The following REV1 variants were observed in gnomAD, a reference collection of about 807,000 sequenced individuals.
The protein encoded by REV1 is REV1 DNA directed polymerase, also known as translesion synthesis protein REV1.
In REV1, 42 loss-of-function variants were observed where a neutral mutation model predicts 137.4. The ratio of observed to expected loss-of-function variants is 0.31; its 90% CI spans 0.24 to 0.40. The LOEUF (loss-of-function observed/expected upper bound fraction) is 0.40, where lower values mean the gene tolerates loss of function less well. Among genes scored for constraint, REV1 ranks in the 10% least tolerant of loss-of-function variants. REV1 has a pLI of 1.00. For missense variants in REV1, 1,282 were observed against 1,490.1 expected, an observed-to-expected ratio of 0.86 and a Z score of 2.30; for synonymous variants, 524 against 519.2, an observed-to-expected ratio of 1.01 and a Z score of -0.12.
At chr2:99,467,437 TCAAA>T (rs1308873538) in intron 1 of REV1, among the ~76,000 whole-genome samples, 5 of 152,082 alleles carry the variant, frequency 3.3e-5, no homozygotes, top group Admixed American at 6.5e-5. Flanking sequence ...GATCCAGAAA[TCAAA>T]CAATCAAAAA....
chr2:99,479,171 TA>T (rs1199386393), intron 1 of REV1, among the ~76,000 whole-genome samples: 1 of 151,480 alleles, frequency 6.6e-6, no homozygotes, highest in East Asian at 1.9e-4. Context: ...CTACTAAAAA[TA>T]AAAAAATTAG....
At chr2:99,484,578 AT>A in intron 1 of REV1, among the ~76,000 whole-genome samples, 1 of 113,264 alleles carries the variant, frequency 8.8e-6, no homozygotes, top group East Asian at 2.5e-4. Context: ...TCTTTGACTT[AT>A]TTTTAATGAC....
In REV1 at chr2:99,453,850, G is replaced by A. The variant is rs189948910; in HGVS notation, c.182-4346C>T. ...GGAGGTTACAGTGAGCCAAGATCAC[G>A]CCACTGCACTCCAGCCTGGGTGACA... On this transcript the variant is annotated intron_variant, in intron 3 of 22. Coordinates refer to ENST00000258428, the MANE Select transcript of REV1 (RefSeq NM_016316.4). Among the ~76,000 whole-genome samples the A allele has an allele frequency of 5.5e-3, 703 of 126,784 alleles. 11 individuals carry two copies. Among genetic ancestry groups the A allele is most frequent in the African/African-American group, 0.021 (661 of 31,898 alleles). 83.2% of individuals were successfully genotyped at this position (126,784 alleles called of 152,430 possible). A position where few individuals can be genotyped will look rare whatever the true frequency, so the allele number is the denominator to read the frequency against.
Position 99,410,069 on chromosome 2 carries a change from G to C in REV1, c.2345+626C>G, listed in dbSNP as rs896556587. On this transcript the variant is annotated intron_variant, in intron 14 of 22. Coordinates refer to ENST00000258428, the MANE Select transcript of REV1 (RefSeq NM_016316.4). ...TCTGTTGCCCAGGCAGGAGTGCACTGGCGCGATCTCAGCTCACTGCAACCT... is the reference window on the plus strand; with the variant it reads ...TCTGTTGCCCAGGCAGGAGTGCACTCGCGCGATCTCAGCTCACTGCAACCT... Among the ~76,000 whole-genome samples the C allele has an allele frequency of 9.2e-5, 14 of 152,102 alleles. 1 individual carries two copies. The Middle Eastern group carries it at 0.014, about 148-fold the overall frequency.
chr2:99,437,038 G>C (rs955943729), intron 6 of REV1, among the ~76,000 whole-genome samples: 1 of 149,882 alleles, frequency 6.7e-6, no homozygotes, highest in African/African-American at 2.5e-5. Context: ...GCCCAGTCTG[G>C]AGTGCAGTGG....
Position 99,442,423 on chromosome 2 carries a change from T to C in REV1, c.397A>G (p.Thr133Ala), listed in dbSNP as rs1336370306. 1 of 1,614,084 alleles carries C rather than the reference T, an allele frequency of 6.2e-7. No homozygotes were observed. The highest frequency in any genetic ancestry group is 2.2e-5 in the East Asian group (1 of 44,880). ...LLSYIPYQLY[T>A]KQSSVQKGLS... is the part of the protein sequence containing the mutation. ...CCTTTCTGCACACTGGACTGCTTGG[T>C]GTACAGCTGATATGGAATGTAGGAG... is the stretch of plus-strand genomic sequence containing the variant. Residue 133 changes from threonine (T) to alanine (A), a missense_variant, in exon 5 of 23, where the codon ACC (threonine) becomes GCC (alanine). Around this residue, in one of 7 missense-constraint regions of REV1, gnomAD observed 107 missense variants for 164.3 expected, o/e 0.65. Coordinates refer to ENST00000258428, the MANE Select transcript of REV1 (RefSeq NM_016316.4).
rs528664310 is a variant in REV1, at chr2:99,401,443, C to CAAA, written c.3645-94_3645-92dup. 2,051 of 568,182 alleles carry CAAA rather than the reference C, an allele frequency of 3.6e-3. 2 individuals are homozygous for CAAA. Among genetic ancestry groups the CAAA allele is most frequent in the African/African-American group, 0.012 (578 of 47,956 alleles). The allele number at this position is 568,182 out of a possible 1,614,324, so 35.2% of individuals were successfully genotyped here. A position where few individuals can be genotyped will look rare whatever the true frequency, so the allele number is the denominator to read the frequency against. On this transcript the variant is annotated intron_variant, in intron 22 of 22. Coordinates refer to ENST00000258428, the MANE Select transcript of REV1 (RefSeq NM_016316.4). ...TTTTATATATAAAAATTGACTTTGG[C>CAAA]AAAAAAAAAAAAAAGTCCTGGCCAG... is the stretch of plus-strand genomic sequence containing the variant.
chr2:99,428,991 C>CAAAA (rs762850171), intron 9 of REV1, among the ~76,000 whole-genome samples: 2 of 63,826 alleles, frequency 3.1e-5, no homozygotes, highest in Non-Finnish European at 6.3e-5. Flanking sequence ...GACTCCGTCT[C>CAAAA]AAAAAAAAAA....
At chr2:99,415,793 ACCTAG>A (rs1478138353) in intron 12 of REV1, among the ~76,000 whole-genome samples, 1 of 152,246 alleles carries the variant, frequency 6.6e-6, no homozygotes, top group Non-Finnish European at 1.5e-5. Flanking sequence ...AGATGCACAA[ACCTAG>A]CAAAGGCTGA....
chr2:99,410,201 G>C (rs1233135296), intron 14 of REV1, among the ~76,000 whole-genome samples: 2 of 152,064 alleles, frequency 1.3e-5, no homozygotes, highest in Non-Finnish European at 2.9e-5. Flanking sequence ...AGTGGAAATG[G>C]AGTTTCACCA....
At position 99,412,736 on chromosome 2, in the gene REV1, T is replaced by G; in HGVS notation, c.2167A>C (p.Thr723Pro). 6.2e-7 allele frequency: 1 copy of G among 1,612,476 alleles called. No individual in the cohort carries two copies. The highest frequency in any genetic ancestry group is 8.5e-7 in the Non-Finnish European group (1 of 1,178,462). ...ATCTGTTCAATGATCAGTACCTGAGTAAACCTTATTCCATAGTTGATCTCA... is the reference window on the plus strand; with the variant it reads ...ATCTGTTCAATGATCAGTACCTGAGGAAACCTTATTCCATAGTTGATCTCA... ...SAEINYGIRF[T>P]QPKEAEAFLL... The change falls in exon 13 of 23, where the codon ACT becomes CCT. Residue 723 changes from threonine to proline, a missense_variant. Coordinates refer to ENST00000258428, the MANE Select transcript of REV1 (RefSeq NM_016316.4).
At chr2:99,439,436 A>G in intron 5 of REV1, 126 bp from the exon 6 acceptor site, 1 of 573,766 alleles carries the variant, frequency 1.7e-6, no homozygotes, top group Non-Finnish European at 3.0e-6. Context: ...GAAAATTCTT[A>G]TATTGAATAT....
At chr2:99,413,985 T>G (rs1284654858) in intron 12 of REV1, among the ~76,000 whole-genome samples, 2 of 152,016 alleles carry the variant, frequency 1.3e-5, no homozygotes, top group Non-Finnish European at 2.9e-5. Context: ...GTAGACCGTC[T>G]CTATAAAATA....
At chr2:99,421,415 TAAAAAG>T in intron 11 of REV1, 78 bp downstream of exon 11, 3 of 1,363,802 alleles carry the variant, frequency 2.2e-6, no homozygotes, top group African/African-American at 1.5e-5. Flanking sequence ...AGGAAGCTAA[TAAAAAG>T]AAAAACTCCA....
chr2:99,453,900 A>AAAAAG (rs1683217495), intron 3 of REV1, among the ~76,000 whole-genome samples: 1 of 141,828 alleles, frequency 7.1e-6, no homozygotes, highest in African/African-American at 2.5e-5. Context: ...CTCAAAAAAA[A>AAAAAG]AAAAAAAAAA....
chr2:99,465,037 T>C, intron 1 of REV1, 52 bp from the exon 2 acceptor site: 1 of 1,362,688 alleles, frequency 7.3e-7, no homozygotes, highest in African/African-American at 1.5e-5. Context: ...AATGTATTTC[T>C]AAATGATATT....
chr2:99,414,374 G>A (rs367978690), intron 12 of REV1, among the ~76,000 whole-genome samples: 26 of 152,070 alleles, frequency 1.7e-4, no homozygotes, highest in South Asian at 1.0e-3. Flanking sequence ...GGCGTTAAGC[G>A]TGCTCGTTCA....
chr2:99,419,135 T>C (rs1172071700), intron 11 of REV1, among the ~76,000 whole-genome samples, 188 bp from the exon 12 acceptor site: 1 of 151,916 alleles, frequency 6.6e-6, no homozygotes, highest in East Asian at 1.9e-4. Context: ...TGGACAGAGG[T>C]TTCTCTTTGC....
chr2:99,471,331 C>T (rs1375148302), intron 1 of REV1, among the ~76,000 whole-genome samples: 8 of 152,056 alleles, frequency 5.3e-5, no homozygotes, highest in Non-Finnish European at 4.4e-5. Context: ...CATGACCATT[C>T]AATGAGGAAA....
Sources: gnomAD v4.1 joint callset for allele counts (sites outside exome capture counted in the v4.1 genomes callset) on GRCh38, gnomAD v4.1.1 for gene constraint, gnomAD v4.1.1 regional missense constraint, MANE v1.5 for transcripts, NCBI Gene and HGNC (gene_info 2026-07-23, HGNC 2026-07-21) for gene names.